SLC18A2: variants seen among roughly 807,000 people sequenced by gnomAD.
SLC18A2 encodes synaptic vesicular amine transporter.
In SLC18A2, 33 loss-of-function variants were observed where a neutral mutation model predicts 59.2. The ratio of observed to expected loss-of-function variants is 0.56; its 90% CI spans 0.42 to 0.75. The LOEUF (loss-of-function observed/expected upper bound fraction) is 0.75, where lower values mean the gene tolerates loss of function less well. Ranked by LOEUF, SLC18A2 falls within the 30% of genes least tolerant of loss-of-function variation. The probability of loss-of-function intolerance (pLI) is 0.00; values close to 1 mark genes in which losing one functional copy is unlikely to be tolerated. For synonymous variants in SLC18A2, 228 were observed against 253.5 expected, an observed-to-expected ratio of 0.90 and a Z score of 0.95; for missense variants, 569 against 668.6, an observed-to-expected ratio of 0.85 and a Z score of 1.64.
chr10:117,272,578 A>T (rs937506936), intron 15 of SLC18A2, among the ~76,000 whole-genome samples: 2 of 152,248 alleles, frequency 1.3e-5, no homozygotes, highest in Admixed American at 6.5e-5. Context: ...TTTTAAAAAA[A>T]TGCTGAAGGA....
intron 3 of SLC18A2, among the ~76,000 whole-genome samples, chr10:117,252,134 A>ATTTTTTTTTTTTTTT (rs57101171): frequency 2.3e-5 from 1 of 44,348 alleles, no homozygotes; most frequent in African/African-American, 7.0e-5. Context: ...CATTTTTTGT[A>ATTTTTTTTTTTTTTT]TTTTTTTTTT....
chr10:117,244,227 T>C lies in SLC18A2; in HGVS notation c.378T>C (p.Asn126=), dbSNP rs748166822. The C allele has an allele frequency of 3.7e-6, 6 of 1,614,112 alleles. No homozygotes were observed. In the South Asian group the frequency reaches 6.6e-5, roughly 18 times the overall value. ...CCAGTGAAGACAAAGACCTCCTGAA[T>C]GAAAACGTGCAAGTTGGTCTGTTGT... ...DCPSEDKDLL[N]ENVQVGLLFA... is the part of the protein sequence containing the mutation. Residue 126 remains asparagine, a synonymous_variant, in exon 3 of 16, where the codon AAT becomes AAC. Coordinates refer to ENST00000644641, the MANE Select transcript of SLC18A2 (RefSeq NM_003054.6).
In SLC18A2 at chr10:117,241,810, C is replaced by T. The variant is rs781006451; in HGVS notation, c.117C>T (p.Val39=). The T allele has an allele frequency of 1.2e-5, 19 of 1,605,116 alleles. No homozygotes were observed. The South Asian group carries it at 2.1e-4, about 18-fold the overall frequency. The change falls in exon 2 of 16, where the codon GTC becomes GTT. Residue 39 remains valine, a synonymous_variant. Coordinates refer to ENST00000644641, the MANE Select transcript of SLC18A2 (RefSeq NM_003054.6). Reference sequence around the variant, plus strand: ...TGCTGGACAACATGCTGCTCACTGTCGTGGGTACGTGCGGACAGGGCACCC... The same window carrying T: ...TGCTGGACAACATGCTGCTCACTGTTGTGGGTACGTGCGGACAGGGCACCC... The part of the protein sequence containing the change: ...ALLLDNMLLT[V]VVPIIPSYLY...
At chr10:117,256,713 G>A (rs992291268) in intron 9 of SLC18A2, among the ~76,000 whole-genome samples, 5 of 152,202 alleles carry the variant, frequency 3.3e-5, no homozygotes, top group South Asian at 2.1e-4. Flanking sequence ...ATGCAGTGAC[G>A]TCTGCAAGAT....
At chr10:117,247,183 T>A (rs1844118636) in intron 3 of SLC18A2, among the ~76,000 whole-genome samples, 1 of 152,240 alleles carries the variant, frequency 6.6e-6, no homozygotes, top group Admixed American at 6.5e-5. Flanking sequence ...TGATGTAAAC[T>A]GTGCCAATCA....
intron 1 of SLC18A2, 128 bp from the exon 2 acceptor site, chr10:117,241,550 TG>T: frequency 1.9e-6 from 2 of 1,044,776 alleles, no homozygotes; most frequent in Non-Finnish European, 2.6e-6. Flanking sequence ...GAGCCGAGGC[TG>T]GGGCGCCCGG....
intron 10 of SLC18A2, among the ~76,000 whole-genome samples, chr10:117,264,273 G>A (rs899167355): frequency 6.6e-6 from 1 of 152,260 alleles, no homozygotes; most frequent in Non-Finnish European, 1.5e-5. Context: ...TTGCAGGCCA[G>A]TCCCAGCCAA....
intron 10 of SLC18A2, among the ~76,000 whole-genome samples, chr10:117,258,917 C>T (rs1204328508): frequency 1.3e-5 from 2 of 152,136 alleles, no homozygotes; most frequent in East Asian, 1.9e-4. Flanking sequence ...CAGGCACGTG[C>T]CACCACACCT....
At chr10:117,261,939 A>G (rs759626640) in intron 10 of SLC18A2, among the ~76,000 whole-genome samples, 1 of 151,886 alleles carries the variant, frequency 6.6e-6, no homozygotes, top group Non-Finnish European at 1.5e-5. Context: ...ACGGAGTCTC[A>G]GTCTGTTGCC....
intron 15 of SLC18A2, among the ~76,000 whole-genome samples, chr10:117,276,691 A>G (rs1312724276): frequency 6.6e-6 from 1 of 151,556 alleles, no homozygotes; most frequent in East Asian, 1.9e-4. Flanking sequence ...CAAACAATGG[A>G]AACGGGTTGT....
chr10:117,262,294 A>G (rs1423645553), intron 10 of SLC18A2, among the ~76,000 whole-genome samples: 1 of 152,218 alleles, frequency 6.6e-6, no homozygotes, highest in African/African-American at 2.4e-5. Context: ...GTGAAGGAGG[A>G]AGGATTCTTG....
At chr10:117,257,307 G>A (rs1844241900) in intron 9 of SLC18A2, among the ~76,000 whole-genome samples, 1 of 151,408 alleles carries the variant, frequency 6.6e-6, no homozygotes, top group African/African-American at 2.4e-5. Flanking sequence ...TCCACCTAAC[G>A]GCATGCCTGT....
chr10:117,270,528 T>A lies in SLC18A2; in HGVS notation c.1440+65T>A, dbSNP rs1298140570. On this transcript the variant is annotated intron_variant, in intron 15 of 15. Transcript: ENST00000644641. ...TTTTAGCATGGCCTTCCTGATAGCT[T>A]CCTCATGGTTTCATTCTAAAGCCTT... 6.9e-5 allele frequency: 108 copies of A among 1,572,934 alleles called. 1 individual carries two copies. The highest frequency in any genetic ancestry group is 5.3e-4 in the Middle Eastern group (3 of 5,686).
chr10:117,253,190 T>C (rs1269099886), intron 3 of SLC18A2, among the ~76,000 whole-genome samples: 1 of 152,208 alleles, frequency 6.6e-6, no homozygotes, highest in African/African-American at 2.4e-5. Context: ...CAAATTTCTG[T>C]TCACAGTGGC....
intron 3 of SLC18A2, among the ~76,000 whole-genome samples, chr10:117,247,148 T>C (rs758929671): frequency 6.6e-6 from 1 of 152,212 alleles, no homozygotes; most frequent in Non-Finnish European, 1.5e-5. Flanking sequence ...AGGAGTTAAC[T>C]TGTGAGCCAT....
rs363236 is a variant in SLC18A2, at chr10:117,278,860, C to A, written c.*1594C>A. On this transcript the variant is annotated 3_prime_UTR_variant, in exon 16 of 16. Coordinates refer to ENST00000644641, the MANE Select transcript of SLC18A2 (RefSeq NM_003054.6). ...CATTGGGCAACTTGGCCAAGTCTGC[C>A]ACTTTGGAAGATGGCTCTGGAGGAA... is the stretch of plus-strand genomic sequence containing the variant. 6.6e-6 allele frequency: 1 copy of A among 152,050 alleles called. No individual in the cohort carries two copies. The highest frequency in any genetic ancestry group is 1.5e-5 in the Non-Finnish European group (1 of 68,038). The allele number at this position is 152,050 out of a possible 1,614,324, so 9.4% of individuals were successfully genotyped here.
chr10:117,253,271 G>T, intron 3 of SLC18A2, 128 bp from the exon 4 acceptor site: 1 of 711,006 alleles, frequency 1.4e-6, no homozygotes, highest in South Asian at 1.7e-5. Context: ...CTGAGTATAT[G>T]AATTTTCAGA....
In SLC18A2 at chr10:117,254,430, C is replaced by A; in HGVS notation, c.633C>A (p.Tyr211Ter). The A allele has an allele frequency of 6.2e-7, 1 of 1,608,346 alleles. No homozygotes were observed. The highest frequency in any genetic ancestry group is 1.3e-5 in the African/African-American group (1 of 74,816). The change falls in exon 6 of 16, where the codon TAC (tyrosine) becomes TAA (stop). Residue 211 changes from tyrosine to a stop codon, truncating the protein, a stop_gained. Coordinates refer to ENST00000644641, the MANE Select transcript of SLC18A2 (RefSeq NM_003054.6). LOFTEE classifies it high-confidence loss of function. Reference protein sequence around the residue: ...VAGMGMLASVYTDDEERGNVM... With the variant: ...VAGMGMLASV Reference sequence around the variant, plus strand: ...GGATGGGCATGCTTGCCAGTGTCTACACAGATGATGAAGAGAGAGGCAACG... The same window carrying A: ...GGATGGGCATGCTTGCCAGTGTCTAAACAGATGATGAAGAGAGAGGCAACG...
At chr10:117,265,862 G>T (rs1844341710) in intron 10 of SLC18A2, among the ~76,000 whole-genome samples, 1 of 152,150 alleles carries the variant, frequency 6.6e-6, no homozygotes, top group South Asian at 2.1e-4. Flanking sequence ...GGCTGAGGCA[G>T]GCGGATCACC....
Sources: allele counts gnomAD v4.1 joint callset (sites outside exome capture counted in the v4.1 genomes callset), GRCh38; gene constraint gnomAD v4.1.1; transcripts MANE v1.5; gene names NCBI Gene and HGNC (gene_info 2026-07-23, HGNC 2026-07-21).